The following ADGRV1 variants were observed in gnomAD, a reference collection of about 807,000 sequenced individuals.
ADGRV1 encodes G-protein coupled receptor 98.
ADGRV1 carries 359 observed loss-of-function variants against 596.2 expected under a neutral mutation model. The ratio of observed to expected loss-of-function variants is 0.60; its 90% CI spans 0.55 to 0.66. ADGRV1 has a LOEUF of 0.66. ADGRV1 is among the 30% of genes least tolerant of loss of function. The pLI, the probability that ADGRV1 is intolerant of heterozygous loss-of-function variation, is 0.00. For synonymous variants in ADGRV1, 2,681 were observed against 2,679.2 expected (o/e 1.00, Z -0.02); for missense variants, 7,274 against 7,575.6 (o/e 0.96, Z 1.48).
chr5:90,954,397 G>T (rs530144226), intron 83 of ADGRV1, among the ~76,000 whole-genome samples: 2 of 152,138 alleles, frequency 1.3e-5, no homozygotes, highest in Non-Finnish European at 2.9e-5. Context: ...GACAGAACTG[G>T]TGAGTTAGTA....
At chr5:90,818,658 A>G (rs1763161889) in intron 75 of ADGRV1, among the ~76,000 whole-genome samples, 1 of 150,226 alleles carries the variant, frequency 6.7e-6, no homozygotes. Context: ...CTTTTTCTGC[A>G]TCTATTGAGA....
intron 84 of ADGRV1, among the ~76,000 whole-genome samples, chr5:90,966,080 T>C (rs1778429167): frequency 6.6e-6 from 1 of 152,124 alleles, no homozygotes. Context: ...TTGTGGGGAA[T>C]GCAGAAGTTG....
intron 85 of ADGRV1, among the ~76,000 whole-genome samples, chr5:91,054,098 TGTGTGAGAGA>T (rs1437275481): frequency 8.0e-5 from 10 of 124,496 alleles, no homozygotes; most frequent in East Asian, 4.3e-4. Context: ...TGTGTGTGTG[TGTGTGAGAGA>T]GAGAGAGAGA....
chr5:90,813,568 C>G lies in ADGRV1; in HGVS notation c.16079-2051C>G, dbSNP rs1762646288. 2.0e-5 allele frequency among the ~76,000 whole-genome samples: 3 copies of G among 152,066 alleles called. No individual in the cohort carries two copies. The South Asian group carries it at 6.2e-4, about 32-fold the overall frequency. On this transcript the variant is annotated intron_variant, in intron 74 of 89. Coordinates refer to ENST00000405460, the MANE Select transcript of ADGRV1 (RefSeq NM_032119.4). ...CTCTGTGAGATTCTGTAATGTTTAC[C>G]TTCCCTACATAAGGCACACTCATCA...
At position 91,004,989 on chromosome 5, in the gene ADGRV1, A is replaced by G. The variant is rs142654198; in HGVS notation, c.18152+19467A>G. 4.3e-3 allele frequency among the ~76,000 whole-genome samples: 658 copies of G among 152,326 alleles called. 3 individuals carry two copies. The highest frequency in any genetic ancestry group is 0.015 in the African/African-American group (626 of 41,576). On this transcript the variant is annotated intron_variant, in intron 85 of 89. Transcript: ENST00000405460. ...TCTGAAGTTCTTCCCTCAATGTTTTATAATTTTGTTCTCTTTTATAAACCT... is the reference window on the plus strand; with the variant it reads ...TCTGAAGTTCTTCCCTCAATGTTTTGTAATTTTGTTCTCTTTTATAAACCT...
chr5:90,743,391 T>C (rs1754207693), intron 50 of ADGRV1, among the ~76,000 whole-genome samples: 1 of 152,050 alleles, frequency 6.6e-6, no homozygotes, highest in East Asian at 1.9e-4. Flanking sequence ...CGTTGTAACC[T>C]ATGGGCTAAA....
At chr5:91,065,492 T>C (rs1388391856) in intron 85 of ADGRV1, among the ~76,000 whole-genome samples, 1 of 152,236 alleles carries the variant, frequency 6.6e-6, no homozygotes, top group African/African-American at 2.4e-5. Flanking sequence ...TAAAATATAA[T>C]GTAAATGGAC....
chr5:90,879,757 G>A (rs1403786656), intron 83 of ADGRV1, among the ~76,000 whole-genome samples: 4 of 152,030 alleles, frequency 2.6e-5, no homozygotes, highest in Non-Finnish European at 4.4e-5. Context: ...GACCAGCCTG[G>A]CCAACATGGT....
At chr5:90,699,424 G>C (rs761891842) in intron 34 of ADGRV1, among the ~76,000 whole-genome samples, 5 of 152,078 alleles carry the variant, frequency 3.3e-5, no homozygotes, top group Non-Finnish European at 5.9e-5. Flanking sequence ...TGAAGAAATA[G>C]GGGGAAGGAA....
chr5:90,757,132 C>T lies in ADGRV1; in HGVS notation c.11911C>T (p.His3971Tyr). 1 of 1,613,860 alleles carries T rather than the reference C, an allele frequency of 6.2e-7. No homozygotes were observed. Among genetic ancestry groups the T allele is most frequent in the Non-Finnish European group, 8.5e-7 (1 of 1,179,826 alleles). ...SAGLEDFKPS[H>Y]GILEFADKQV... ...TGGCCTGGAAGACTTTAAACCATCTCATGGGATTCTTGAATTTGCAGATAA... is the reference window on the plus strand; with the variant it reads ...TGGCCTGGAAGACTTTAAACCATCTTATGGGATTCTTGAATTTGCAGATAA... Residue 3971 changes from histidine (H) to tyrosine (Y), a missense_variant, in exon 57 of 90, where the codon CAT becomes TAT. His to Tyr is a moderately conservative substitution (Grantham distance 83). Around this residue, in one of 5 missense-constraint regions of ADGRV1, gnomAD observed 3,643 missense variants for 3,809.2 expected, o/e 0.96. Transcript: ENST00000405460.
chr5:90,754,945 A>G lies in ADGRV1; in HGVS notation c.11378-38A>G, dbSNP rs373801978. 2.9e-5 allele frequency: 41 copies of G among 1,432,800 alleles called. No individual in the cohort carries two copies. In the African/African-American group the frequency reaches 4.9e-4, roughly 17 times the overall value. The allele number at this position is 1,432,800 out of a possible 1,614,324, so 88.8% of individuals were successfully genotyped here. Reference sequence around the variant, plus strand: ...CCTTGTAACAGCATTGACAGCAAATAGAAAAGACTATTTACTCGTGGCATG... The same window carrying G: ...CCTTGTAACAGCATTGACAGCAAATGGAAAAGACTATTTACTCGTGGCATG... On this transcript the variant is annotated intron_variant, in intron 54 of 89. Transcript: ENST00000405460.
At chr5:90,687,578 G>A (rs576058999) in intron 29 of ADGRV1, among the ~76,000 whole-genome samples, 1 of 152,258 alleles carries the variant, frequency 6.6e-6, no homozygotes, top group South Asian at 2.1e-4. Flanking sequence ...GACATAAAGG[G>A]TATTCAGTTA....
intron 85 of ADGRV1, among the ~76,000 whole-genome samples, chr5:91,007,911 T>A (rs1299758063): frequency 2.6e-5 from 4 of 152,196 alleles, no homozygotes; most frequent in Non-Finnish European, 1.5e-5. Context: ...CCCTTTGCTT[T>A]TTTTTAGAAG....
In ADGRV1 at chr5:90,783,254, C is replaced by T; in HGVS notation, c.13362C>T (p.Gly4454=). 6.2e-7 allele frequency: 1 copy of T among 1,613,484 alleles called. No homozygotes were observed. The highest frequency in any genetic ancestry group is 1.3e-5 in the African/African-American group (1 of 74,978). Residue 4454 remains glycine, a synonymous_variant, in exon 66 of 90, where the codon GGC becomes GGT. Transcript: ENST00000405460. The stretch of plus-strand genomic sequence containing the variant: ...GAGGTGTTGATTACATTTTGCATGG[C>T]AGTACAGTCACCTTTCAGCATGGGC... ...SPGGVDYILH[G]STVTFQHGQN...
chr5:91,028,786 T>G (rs1048515404), intron 85 of ADGRV1, among the ~76,000 whole-genome samples: 8 of 138,002 alleles, frequency 5.8e-5, no homozygotes, highest in African/African-American at 2.1e-4. Context: ...TCGCCAAGGC[T>G]GGAGTGCAGT....
intron 83 of ADGRV1, among the ~76,000 whole-genome samples, chr5:90,961,916 T>C (rs1389973475): frequency 1.3e-5 from 2 of 152,148 alleles, no homozygotes; most frequent in African/African-American, 4.8e-5. Context: ...TATTTGATTG[T>C]CATTATGAGC....
At chr5:90,895,315 G>C (rs1771207163) in intron 83 of ADGRV1, among the ~76,000 whole-genome samples, 1 of 152,214 alleles carries the variant, frequency 6.6e-6, no homozygotes, top group Non-Finnish European at 1.5e-5. Context: ...ACTTTAGCTA[G>C]TGGTAAGTGT....
chr5:90,798,372 C>T (rs1034796552), intron 70 of ADGRV1, among the ~76,000 whole-genome samples: 3 of 152,060 alleles, frequency 2.0e-5, no homozygotes, highest in Admixed American at 2.0e-4. Flanking sequence ...AAGACTACAC[C>T]AGGAAGAAGT....
chr5:90,582,430 T>TGACAAGA (rs1758188686), intron 1 of ADGRV1, among the ~76,000 whole-genome samples: 3 of 152,198 alleles, frequency 2.0e-5, no homozygotes, highest in African/African-American at 2.4e-5. Flanking sequence ...GATTGTACCC[T>TGACAAGA]TTATCATTCT....
Sources: allele counts gnomAD v4.1 joint callset (sites outside exome capture counted in the v4.1 genomes callset), GRCh38; gene constraint gnomAD v4.1.1; regional missense constraint gnomAD v4.1.1; transcripts MANE v1.5; gene names NCBI Gene and HGNC (gene_info 2026-07-23, HGNC 2026-07-21).